Variants in TENM3 observed in about 807,000 individuals in gnomAD.
The protein encoded by TENM3 is teneurin transmembrane protein 3.
Under a neutral mutation model 255.1 loss-of-function variants are expected in TENM3, and 63 were observed. The observed-to-expected ratio is 0.25, with a 90% CI of 0.20 to 0.30. TENM3 has a LOEUF of 0.30. Ranked by LOEUF, TENM3 falls within the 10% of genes least tolerant of loss-of-function variation. The pLI, the probability that TENM3 is intolerant of heterozygous loss-of-function variation, is 1.00. For missense variants in TENM3, 2,929 were observed against 3,461.1 expected (o/e 0.85, Z 3.86); for synonymous variants, 1,306 against 1,322.3 (o/e 0.99, Z 0.27).
chr4:182,066,637 G>A, the TENM3 span, among the ~76,000 whole-genome samples: 6 of 150,394 alleles, frequency 4.0e-5, no homozygotes, highest in Admixed American at 2.6e-4. Flanking sequence ...TGGGCCAGGC[G>A]CGGTGGCTCA....
the TENM3 span, among the ~76,000 whole-genome samples, chr4:181,494,640 C>T: frequency 3.5e-4 from 53 of 152,198 alleles, no homozygotes; most frequent in Admixed American, 5.9e-4. Context: ...TGGTCTTACA[C>T]GTAAAATGTT....
the TENM3 span, among the ~76,000 whole-genome samples, chr4:181,898,361 T>G: frequency 6.6e-6 from 1 of 152,184 alleles, no homozygotes; most frequent in Non-Finnish European, 1.5e-5. Flanking sequence ...TTTTTACTGT[T>G]TTGTTCTACA....
At chr4:182,142,499 C>T (rs1484395956), upstream of TENM3, 2 of 167,214 alleles carry the variant, frequency 1.2e-5, no homozygotes, top group Non-Finnish European at 2.9e-5. Context: ...TCCTTGTTCT[C>T]CCAGTGCTCG....
At chr4:181,551,294 G>T in the TENM3 span, among the ~76,000 whole-genome samples, 1 of 148,396 alleles carries the variant, frequency 6.7e-6, no homozygotes, top group Non-Finnish European at 1.5e-5. Context: ...TCCTGAGAAT[G>T]AGGATTTCTT....
At chr4:182,639,338 C>G (rs1392548026) in intron 5 of TENM3, among the ~76,000 whole-genome samples, 1 of 152,122 alleles carries the variant, frequency 6.6e-6, no homozygotes, top group Non-Finnish European at 1.5e-5. Context: ...TGAATTTCTT[C>G]CTCAATATAA....
chr4:182,729,771 G>T (rs1408336491), intron 14 of TENM3, among the ~76,000 whole-genome samples: 1 of 152,148 alleles, frequency 6.6e-6, no homozygotes, highest in South Asian at 2.1e-4. Flanking sequence ...ATTCAAAGTT[G>T]CTGTACAAAT....
At chr4:182,346,487 T>A (rs1276261919) in intron 2 of TENM3, among the ~76,000 whole-genome samples, 164 bp from the exon 3 acceptor site, 1 of 151,852 alleles carries the variant, frequency 6.6e-6, no homozygotes, top group East Asian at 1.9e-4. Context: ...GCCCACTTGA[T>A]CCTATGCCGT....
At chr4:182,196,271 G>A (rs922254590) in intron 1 of TENM3, among the ~76,000 whole-genome samples, 1 of 152,064 alleles carries the variant, frequency 6.6e-6, no homozygotes, top group Non-Finnish European at 1.5e-5. Flanking sequence ...TTTTTGGACC[G>A]AGTTGCTAAG....
the TENM3 span, among the ~76,000 whole-genome samples, chr4:182,072,976 G>C: frequency 6.6e-6 from 1 of 152,194 alleles, no homozygotes; most frequent in Non-Finnish European, 1.5e-5. Context: ...GTTCTTGTAG[G>C]TAAAAGAAGA....
At chr4:181,469,937 A>G in the TENM3 span, among the ~76,000 whole-genome samples, 1 of 152,088 alleles carries the variant, frequency 6.6e-6, no homozygotes, top group East Asian at 1.9e-4. Context: ...TTTATTGTTA[A>G]GTCTGATTAT....
At chr4:182,123,622 G>A in the TENM3 span, among the ~76,000 whole-genome samples, 1 of 152,060 alleles carries the variant, frequency 6.6e-6, no homozygotes, top group Non-Finnish European at 1.5e-5. Context: ...CATGGCTCAT[G>A]GCACCCCAAA....
chr4:181,578,513 C>A, the TENM3 span, among the ~76,000 whole-genome samples: 7 of 152,196 alleles, frequency 4.6e-5, no homozygotes, highest in Non-Finnish European at 7.4e-5. Flanking sequence ...TGCGGAGAGG[C>A]ACTGCTCAGC....
At chr4:181,684,540 T>G in the TENM3 span, among the ~76,000 whole-genome samples, 1 of 152,318 alleles carries the variant, frequency 6.6e-6, no homozygotes, top group African/African-American at 2.4e-5. Flanking sequence ...ATTAGATTTC[T>G]TAGGCAATCC....
chr4:181,683,951 A>G, the TENM3 span, among the ~76,000 whole-genome samples: 4 of 152,282 alleles, frequency 2.6e-5, no homozygotes, highest in Non-Finnish European at 5.9e-5. Context: ...TCTTCATGAG[A>G]ATCCAATGGG....
the TENM3 span, among the ~76,000 whole-genome samples, chr4:181,628,536 T>A: frequency 1.3e-5 from 2 of 151,932 alleles, no homozygotes; most frequent in African/African-American, 4.8e-5. Context: ...GGATCCAGTT[T>A]CAGCTTTCTA....
intron 2 of TENM3, among the ~76,000 whole-genome samples, chr4:182,328,458 C>T (rs534922814): frequency 1.2e-4 from 18 of 152,134 alleles, no homozygotes; most frequent in Admixed American, 7.2e-4. Context: ...TCAGGTGATC[C>T]GCCCACCTCG....
At chr4:181,518,046 A>G in the TENM3 span, among the ~76,000 whole-genome samples, 1 of 152,156 alleles carries the variant, frequency 6.6e-6, no homozygotes, top group Non-Finnish European at 1.5e-5. Flanking sequence ...GGGAAAAAAA[A>G]TAGTCAATTT....
intron 3 of TENM3, among the ~76,000 whole-genome samples, chr4:182,372,965 C>T (rs1766945628): frequency 6.6e-6 from 1 of 152,076 alleles, no homozygotes; most frequent in Admixed American, 6.6e-5. Context: ...GTCTCAAACT[C>T]CCGAACTCAA....
chr4:182,583,031 C>T (rs1467563839), intron 3 of TENM3, among the ~76,000 whole-genome samples: 1 of 152,126 alleles, frequency 6.6e-6, no homozygotes. Flanking sequence ...ATAAGAATGT[C>T]GATCTTAATG....
Sources: gnomAD v4.1 joint callset for allele counts (sites outside exome capture counted in the v4.1 genomes callset) on GRCh38, gnomAD v4.1.1 for gene constraint, MANE v1.5 for transcripts, NCBI Gene and HGNC (gene_info 2026-07-23, HGNC 2026-07-21) for gene names.